TMED10: variants seen among roughly 807,000 people sequenced by gnomAD.
TMED10 encodes transmembrane emp24 domain-containing protein 10.
Under a neutral mutation model 23.1 loss-of-function variants are expected in TMED10, and 7 were observed. The ratio of observed to expected loss-of-function variants is 0.30; its 90% CI spans 0.17 to 0.57. The LOEUF (loss-of-function observed/expected upper bound fraction) is 0.57. Among genes scored for constraint, TMED10 ranks in the 20% least tolerant of loss-of-function variants. The probability of loss-of-function intolerance (pLI) is 0.91; values close to 1 mark genes in which losing one functional copy is unlikely to be tolerated. For missense variants in TMED10, 162 were observed against 274.8 expected, an observed-to-expected ratio of 0.59 and a Z score of 2.90; for synonymous variants, 113 against 106.9, an observed-to-expected ratio of 1.06 and a Z score of -0.35.
chr14:75,176,146 T>A (rs1193760875), intron 1 of TMED10: 1 of 619,638 alleles, frequency 1.6e-6, no homozygotes, highest in Non-Finnish European at 2.8e-6. Flanking sequence ...TCGCAGCCCT[T>A]CTTGGGGTTC....
rs1895686830 is a variant in TMED10, at chr14:75,131,703, C to G, written c.*3182G>C. The stretch of plus-strand genomic sequence containing the variant: ...CAAAAATGGAGGAAAGCACATAACA[C>G]CCGATTTTAAAGCTTATTTGCTCTT... On this transcript the variant is annotated 3_prime_UTR_variant, in exon 5 of 5. Coordinates refer to ENST00000303575, the MANE Select transcript of TMED10 (RefSeq NM_006827.6). 1 of 152,320 alleles carries G rather than the reference C, an allele frequency of 6.6e-6. No individual in the cohort carries two copies. Among genetic ancestry groups the G allele is most frequent in the Admixed American group, 6.5e-5 (1 of 15,276 alleles). 9.4% of individuals were successfully genotyped at this position (152,320 alleles called of 1,614,324 possible). A position where few individuals can be genotyped will look rare whatever the true frequency, so the allele number is the denominator to read the frequency against.
At position 75,134,012 on chromosome 14, in the gene TMED10, A is replaced by G. The variant is rs984046739; in HGVS notation, c.*873T>C. 3 of 208,072 alleles carry G rather than the reference A, an allele frequency of 1.4e-5. No individual in the cohort carries two copies. The highest frequency in any genetic ancestry group is 2.9e-5 in the Non-Finnish European group (3 of 102,158). 12.9% of individuals were successfully genotyped at this position (208,072 alleles called of 1,614,324 possible). On this transcript the variant is annotated 3_prime_UTR_variant, in exon 5 of 5. Coordinates refer to ENST00000303575, the MANE Select transcript of TMED10 (RefSeq NM_006827.6). ...TCAGCCTCGTAAGATTACATTCTGT[A>G]TGATTCCATTCATACAACATTCTTG...
At chr14:75,145,645 G>A (rs967878304) in intron 3 of TMED10, among the ~76,000 whole-genome samples, 3 of 152,098 alleles carry the variant, frequency 2.0e-5, no homozygotes, top group African/African-American at 7.2e-5. Context: ...AAATTAGCTG[G>A]GCGTGGTGAT....
intron 1 of TMED10, among the ~76,000 whole-genome samples, chr14:75,170,728 A>G (rs1896223249): frequency 6.6e-6 from 1 of 152,264 alleles, no homozygotes. Context: ...ATCAATTAGA[A>G]GAAATAAATT....
At chr14:75,162,295 C>CA (rs944255757) in intron 1 of TMED10, among the ~76,000 whole-genome samples, 5 of 151,912 alleles carry the variant, frequency 3.3e-5, no homozygotes, top group African/African-American at 1.2e-4. Context: ...AATGAAAATC[C>CA]AAAAAATACA....
At position 75,132,395 on chromosome 14, in the gene TMED10, C is replaced by CT. The variant is rs1566667161; in HGVS notation, c.*2489_*2490insA. 1 of 118,084 alleles carries CT rather than the reference C, an allele frequency of 8.5e-6. No individual in the cohort carries two copies. Among genetic ancestry groups the CT allele is most frequent in the Non-Finnish European group, 1.8e-5 (1 of 54,248 alleles). 7.3% of individuals were successfully genotyped at this position (118,084 alleles called of 1,614,324 possible). A position where few individuals can be genotyped will look rare whatever the true frequency, so the allele number is the denominator to read the frequency against. ...GCAGCAAGACTCCGTCCCCCCCCCC[C>CT]CAAAAAAAAAAAAGTTTAAGGATGT... On this transcript the variant is annotated 3_prime_UTR_variant, in exon 5 of 5. Coordinates refer to ENST00000303575, the MANE Select transcript of TMED10 (RefSeq NM_006827.6).
chr14:75,164,305 C>T (rs1594873409), intron 1 of TMED10, among the ~76,000 whole-genome samples: 1 of 146,824 alleles, frequency 6.8e-6, no homozygotes, highest in Non-Finnish European at 1.5e-5. Context: ...GATCAGAGCT[C>T]ACTGCAACCT....
intron 1 of TMED10, among the ~76,000 whole-genome samples, chr14:75,154,813 G>A (rs1896002256): frequency 2.7e-5 from 4 of 149,278 alleles, no homozygotes; most frequent in Admixed American, 2.7e-4. Context: ...ACAGGCACAT[G>A]CCACCACACC....
chr14:75,141,261 A>G (rs1206176497), intron 3 of TMED10, among the ~76,000 whole-genome samples: 13 of 152,206 alleles, frequency 8.5e-5, no homozygotes, highest in Admixed American at 8.5e-4. Context: ...GGGAACCTGT[A>G]AACCAAAACA....
At chr14:75,146,625 C>G (rs892241120) in intron 3 of TMED10, among the ~76,000 whole-genome samples, 2 of 152,156 alleles carry the variant, frequency 1.3e-5, no homozygotes, top group Admixed American at 6.5e-5. Context: ...GCCCCCAAGT[C>G]TCGCAGAGAT....
rs1231573308 is a variant in TMED10, at chr14:75,173,755, G to A, written c.225+2600C>T. The stretch of plus-strand genomic sequence containing the variant: ...CTTTGTTTTGTTTTGTTTTGAGACC[G>A]AGTCTTGTTCTGTTGCCCAGGCTGG... On this transcript the variant is annotated intron_variant, in intron 1 of 4. Transcript: ENST00000303575. Among the ~76,000 whole-genome samples the A allele has an allele frequency of 5.9e-5, 9 of 152,170 alleles. 1 individual carries two copies. The highest frequency in any genetic ancestry group is 4.6e-4 in the Admixed American group (7 of 15,264).
chr14:75,155,205 T>A (rs1235343404), intron 1 of TMED10, among the ~76,000 whole-genome samples: 1 of 152,094 alleles, frequency 6.6e-6, no homozygotes, highest in Non-Finnish European at 1.5e-5. Context: ...GTGATCCGCC[T>A]GCCTTGGCTT....
chr14:75,157,494 A>T (rs1594870996), intron 1 of TMED10, among the ~76,000 whole-genome samples: 2 of 152,246 alleles, frequency 1.3e-5, no homozygotes, highest in Middle Eastern at 6.8e-3. Flanking sequence ...TCTACAAAAA[A>T]TAAAATTAGC....
At chr14:75,172,577 G>A (rs917145694) in intron 1 of TMED10, among the ~76,000 whole-genome samples, 4 of 152,088 alleles carry the variant, frequency 2.6e-5, no homozygotes, top group Admixed American at 6.6e-5. Context: ...CAAAGTGCTG[G>A]GATTACAGGC....
At chr14:75,141,050 A>G (rs73311659) in intron 3 of TMED10, among the ~76,000 whole-genome samples, 2,701 of 152,304 alleles carry the variant, frequency 0.018, 88 homozygotes, top group African/African-American at 0.063. Context: ...CAAGGTACCA[A>G]GGTAAGTTAT....
At chr14:75,145,603 T>C (rs964409093) in intron 3 of TMED10, among the ~76,000 whole-genome samples, 25 of 152,092 alleles carry the variant, frequency 1.6e-4, no homozygotes, top group African/African-American at 6.0e-4. Flanking sequence ...CTGGCTAACA[T>C]GGTGAAACCC....
intron 1 of TMED10, among the ~76,000 whole-genome samples, chr14:75,152,596 G>A (rs1367172320): frequency 6.6e-6 from 1 of 152,156 alleles, no homozygotes; most frequent in East Asian, 1.9e-4. Flanking sequence ...GGTGTGGGTG[G>A]AGAATAAAAT....
intron 3 of TMED10, among the ~76,000 whole-genome samples, chr14:75,147,075 G>A (rs1388238329): frequency 6.6e-6 from 1 of 151,874 alleles, no homozygotes; most frequent in African/African-American, 2.4e-5. Context: ...CACACACACA[G>A]TTCAAGAGAA....
rs142624809 is a variant in TMED10 at position 75,142,837 on chromosome 14, C to T, written c.411+4827G>A. Among the ~76,000 whole-genome samples the T allele has an allele frequency of 2.2e-4, 34 of 152,182 alleles. No individual in the cohort carries two copies. In the East Asian group the frequency reaches 6.0e-3, roughly 27 times the overall value. ...AAGTGTTTCTTGTATACTAAAAGCA[C>T]TCTGCATTGATTTTTTTTCTTTCTT... On this transcript the variant is annotated intron_variant, in intron 3 of 4. Coordinates refer to ENST00000303575, the MANE Select transcript of TMED10 (RefSeq NM_006827.6).
Sources: allele counts gnomAD v4.1 joint callset (sites outside exome capture counted in the v4.1 genomes callset), GRCh38; gene constraint gnomAD v4.1.1; transcripts MANE v1.5; gene names NCBI Gene and HGNC (gene_info 2026-07-23, HGNC 2026-07-21).